Variants in JMJD1C observed in about 807,000 individuals in gnomAD.
The protein encoded by JMJD1C is jumonji domain containing 1C.
JMJD1C carries 31 observed loss-of-function variants against 245.3 expected under a neutral mutation model. The observed-to-expected ratio is 0.13, with a 90% CI of 0.09 to 0.17. JMJD1C has a LOEUF of 0.17. Ranked by LOEUF, JMJD1C falls within the 10% of genes least tolerant of loss-of-function variation. JMJD1C has a pLI of 1.00. For missense variants in JMJD1C, 2,691 were observed against 3,000.2 expected (o/e 0.90, Z 2.41); for synonymous variants, 1,057 against 1,017.4 (o/e 1.04, Z -0.74).
intron 1 of JMJD1C, among the ~76,000 whole-genome samples, chr10:63,410,141 A>G (rs1276264786): frequency 6.6e-6 from 1 of 152,234 alleles, no homozygotes; most frequent in South Asian, 2.1e-4. Context: ...AACGACAAGC[A>G]GACCCTAGGT....
chr10:63,290,556 G>A (rs1858539926), intron 2 of JMJD1C, among the ~76,000 whole-genome samples: 1 of 152,040 alleles, frequency 6.6e-6, no homozygotes, highest in Admixed American at 6.6e-5. Flanking sequence ...GCAAGACTCT[G>A]TCTCAAAAAT....
At chr10:63,314,602 C>T (rs1939687491) in intron 2 of JMJD1C, among the ~76,000 whole-genome samples, 2 of 151,790 alleles carry the variant, frequency 1.3e-5, no homozygotes, top group South Asian at 4.2e-4. Context: ...TGGTAGGCTT[C>T]GCTTCTTTGT....
At chr10:63,477,885 A>G (rs1235911531) in intron 1 of JMJD1C, among the ~76,000 whole-genome samples, 2 of 150,584 alleles carry the variant, frequency 1.3e-5, no homozygotes, top group Non-Finnish European at 2.9e-5. Context: ...ACTCAATAAT[A>G]AAAAAAACAA....
chr10:63,201,234 T>C (rs1444536855), intron 10 of JMJD1C, among the ~76,000 whole-genome samples: 1 of 152,118 alleles, frequency 6.6e-6, no homozygotes, highest in East Asian at 1.9e-4. Flanking sequence ...GGAGAAGAGG[T>C]GCTTAGCTAT....
intron 1 of JMJD1C, among the ~76,000 whole-genome samples, chr10:63,485,092 T>C (rs991687154): frequency 6.6e-6 from 1 of 151,226 alleles, no homozygotes; most frequent in Non-Finnish European, 1.5e-5. Context: ...AATAAATAAT[T>C]TATTTATAAA....
chr10:63,517,331 T>C (rs79690181), intron 1 of JMJD1C, among the ~76,000 whole-genome samples: 5,624 of 152,302 alleles, frequency 0.037, 336 homozygotes, highest in East Asian at 0.29. Context: ...GGAAAACTAA[T>C]ATTTAAAAGA....
rs759059387 is a variant in JMJD1C at position 63,419,562 on chromosome 10, A to AG, written c.169-39081dup. ...TCCTGGGGTTGAAAGGCCAAGAAAT[A>AG]GACTTGGTGGCTTCTACAGAATAGA... is the stretch of plus-strand genomic sequence containing the variant. On this transcript the variant is annotated intron_variant, in intron 1 of 25. Transcript: ENST00000399262. Among the ~76,000 whole-genome samples, 4 of 152,234 alleles carry AG rather than the reference A, an allele frequency of 2.6e-5. No homozygotes were observed. In the South Asian group the frequency reaches 6.2e-4, roughly 24 times the overall value.
At chr10:63,300,363 T>C (rs1017812756) in intron 2 of JMJD1C, among the ~76,000 whole-genome samples, 33 of 151,628 alleles carry the variant, frequency 2.2e-4, no homozygotes, top group African/African-American at 7.3e-4. Flanking sequence ...GAAGCTATCT[T>C]TGTTTGTCTA....
rs34738955 is a variant in JMJD1C, at chr10:63,507,644, C to CAAAAAAAAAAAAAA, written n.113+14080_113+14093dup. On this transcript the variant is annotated intron_variant and non_coding_transcript_variant, in intron 1 of 3. Transcript: ENST00000633035. ...TGGGCAACAGAGTAAGACTCTGTCT[C>CAAAAAAAAAAAAAA]AAAAAAAAAAAAAAAAAAACAGTGG... Among the ~76,000 whole-genome samples, 182 of 58,744 alleles carry CAAAAAAAAAAAAAA rather than the reference C, an allele frequency of 3.1e-3. 32 individuals carry two copies. Among genetic ancestry groups the CAAAAAAAAAAAAAA allele is most frequent in the African/African-American group, 0.013 (129 of 10,320 alleles). 38.5% of individuals were successfully genotyped at this position (58,744 alleles called of 152,430 possible).
chr10:63,181,020 G>A (rs1281322611), intron 22 of JMJD1C, among the ~76,000 whole-genome samples: 1 of 151,912 alleles, frequency 6.6e-6, no homozygotes, highest in South Asian at 2.1e-4. Flanking sequence ...CGCCCGCCTC[G>A]GCCTCCCAAA....
chr10:63,215,069 T>C lies in JMJD1C; in HGVS notation c.1098A>G (p.Arg366=). 1 of 1,599,354 alleles carries C rather than the reference T, an allele frequency of 6.3e-7. No individual in the cohort carries two copies. The highest frequency in any genetic ancestry group is 1.2e-5 in the South Asian group (1 of 86,338). ...AGTCTGAAACATTGTCAGTTCGAAGTCTTTTCATATTTAGTTTCTTTTCAT... is the reference window on the plus strand; with the variant it reads ...AGTCTGAAACATTGTCAGTTCGAAGCCTTTTCATATTTAGTTTCTTTTCAT... ...EEDEKKLNMK[R]LRTDNVSDFS... Residue 366 remains arginine (R), a synonymous_variant, in exon 8 of 26, where the codon AGA becomes AGG. Transcript: ENST00000399262.
chr10:63,518,858 C>T (rs957478109), intron 1 of JMJD1C, among the ~76,000 whole-genome samples: 1 of 152,154 alleles, frequency 6.6e-6, no homozygotes, highest in African/African-American at 2.4e-5. Context: ...CAAGCTGGAC[C>T]CACCGCCTTA....
rs141634414 is a variant in JMJD1C at position 63,451,853 on chromosome 10, T to C, written c.168+13642A>G. Among the ~76,000 whole-genome samples the C allele has an allele frequency of 3.7e-3, 559 of 152,280 alleles. 4 individuals carry two copies. Among genetic ancestry groups the C allele is most frequent in the South Asian group, 0.029 (141 of 4,822 alleles). On this transcript the variant is annotated intron_variant, in intron 1 of 25. Transcript: ENST00000399262. Reference sequence around the variant, plus strand: ...ATTCAATGGAAAAAGGACAGTCTTTTCAATAAATGGAGCTGAGAAAATGAG... The same window carrying C: ...ATTCAATGGAAAAAGGACAGTCTTTCCAATAAATGGAGCTGAGAAAATGAG...
At chr10:63,202,632 G>A in intron 10 of JMJD1C, 2 of 985,346 alleles carry the variant, frequency 2.0e-6, no homozygotes, top group Non-Finnish European at 2.4e-6. Context: ...TCTAACTTAG[G>A]GTAAGGAGCC....
intron 3 of JMJD1C, chr10:63,222,154 C>A: frequency 2.7e-6 from 2 of 735,180 alleles, no homozygotes; most frequent in South Asian, 2.7e-5. Flanking sequence ...CATCTGCAGT[C>A]ATGAGTCATT....
chr10:63,353,259 T>C lies in JMJD1C; in HGVS notation c.333+27059A>G, dbSNP rs541487812. Among the ~76,000 whole-genome samples, 5 of 152,268 alleles carry C rather than the reference T, an allele frequency of 3.3e-5. No individual in the cohort carries two copies. The East Asian group carries it at 9.7e-4, about 29-fold the overall frequency. On this transcript the variant is annotated intron_variant, in intron 2 of 25. Transcript: ENST00000399262. ...CTAGGCAGAAGAAAATACAGTATTTTTTTGTAAGAACTCAAAGAAACTTAC... is the reference window on the plus strand; with the variant it reads ...CTAGGCAGAAGAAAATACAGTATTTCTTTGTAAGAACTCAAAGAAACTTAC...
At chr10:63,463,578 A>G (rs1393715314) in intron 1 of JMJD1C, among the ~76,000 whole-genome samples, 1 of 152,228 alleles carries the variant, frequency 6.6e-6, no homozygotes, top group African/African-American at 2.4e-5. Flanking sequence ...TGAATGTAAG[A>G]AAATCTGGGA....
At chr10:63,347,521 T>C (rs1188658830) in intron 2 of JMJD1C, among the ~76,000 whole-genome samples, 6 of 149,698 alleles carry the variant, frequency 4.0e-5, no homozygotes, top group Admixed American at 6.7e-5. Flanking sequence ...CAGGTGGAAG[T>C]TGCAGTGAGC....
At position 63,418,742 on chromosome 10, in the gene JMJD1C, C is replaced by T. The variant is rs531910496; in HGVS notation, c.169-38260G>A. 5.3e-5 allele frequency among the ~76,000 whole-genome samples: 8 copies of T among 152,104 alleles called. No individual in the cohort carries two copies. The South Asian group carries it at 8.3e-4, about 16-fold the overall frequency. Reference sequence around the variant, plus strand: ...TCATGTGGGGGGGGTTTCTGCTTCCCGTATATTTGAGAACAGCATCAAACA... The same window carrying T: ...TCATGTGGGGGGGGTTTCTGCTTCCTGTATATTTGAGAACAGCATCAAACA... On this transcript the variant is annotated intron_variant, in intron 1 of 25. Transcript: ENST00000399262.
Sources: allele counts gnomAD v4.1 joint callset (sites outside exome capture counted in the v4.1 genomes callset), GRCh38; gene constraint gnomAD v4.1.1; transcripts MANE v1.5; gene names NCBI Gene and HGNC (gene_info 2026-07-23, HGNC 2026-07-21).